The following PRKN variants were observed in gnomAD, a reference collection of about 807,000 sequenced individuals.
PRKN encodes E3 ubiquitin-protein ligase parkin.
PRKN carries 56 observed loss-of-function variants against 59.5 expected under a neutral mutation model. The ratio of observed to expected loss-of-function variants is 0.94; its 90% confidence interval spans 0.76 to 1.18. The LOEUF is 1.18. Among genes scored for constraint, PRKN ranks in the 50% most tolerant of loss-of-function variants. PRKN has a pLI of 0.00. For missense variants in PRKN, 657 were observed against 596.4 expected (o/e 1.10, Z -1.06); for synonymous variants, 250 against 222.1 (o/e 1.13, Z -1.12).
intron 10 of PRKN, among the ~76,000 whole-genome samples, chr6:161,364,053 C>T (rs981265641): frequency 6.6e-6 from 1 of 151,474 alleles, no homozygotes; most frequent in Admixed American, 6.6e-5. Context: ...CCTGTAGTCC[C>T]AGCTACTCAG....
At chr6:162,105,470 C>T (rs966091963) in intron 4 of PRKN, among the ~76,000 whole-genome samples, 10 of 152,184 alleles carry the variant, frequency 6.6e-5, no homozygotes, top group African/African-American at 1.7e-4. Flanking sequence ...GGCGCGATTT[C>T]GGCTCACTGC....
intron 6 of PRKN, among the ~76,000 whole-genome samples, chr6:161,868,191 A>G (rs1441626916): frequency 1.3e-5 from 2 of 152,158 alleles, no homozygotes; most frequent in African/African-American, 2.4e-5. Context: ...TCTCCCGTGT[A>G]TAACTAGCTA....
intron 4 of PRKN, among the ~76,000 whole-genome samples, chr6:162,170,967 C>T (rs1008079144): frequency 6.6e-6 from 1 of 152,246 alleles, no homozygotes. Flanking sequence ...TCCATTCATT[C>T]TATTAACAAA....
chr6:162,515,969 G>A (rs78735976), intron 1 of PRKN, among the ~76,000 whole-genome samples: 3,779 of 152,316 alleles, frequency 0.025, 182 homozygotes, highest in African/African-American at 0.086. Flanking sequence ...TTAAAATGCA[G>A]CTGTTTGGTA....
In PRKN at chr6:162,011,368, A is replaced by G. The variant is rs183107279; in HGVS notation, c.619-37951T>C. On this transcript the variant is annotated intron_variant, in intron 5 of 11. Coordinates refer to ENST00000366898, the MANE Select transcript of PRKN (RefSeq NM_004562.3). ...ATTATAATATATATTTATAATATATATAATATATTATATATTTATAATATA... is the reference window on the plus strand; with the variant it reads ...ATTATAATATATATTTATAATATATGTAATATATTATATATTTATAATATA... Among the ~76,000 whole-genome samples the G allele has an allele frequency of 1.4e-3, 47 of 32,950 alleles. 14 individuals are homozygous for G. The highest frequency in any genetic ancestry group is 4.3e-3 in the East Asian group (4 of 926). The allele number at this position is 32,950 out of a possible 152,430, so 21.6% of individuals were successfully genotyped here.
intron 1 of PRKN, among the ~76,000 whole-genome samples, chr6:162,533,675 C>T (rs1431747175): frequency 6.6e-6 from 1 of 152,062 alleles, no homozygotes; most frequent in Non-Finnish European, 1.5e-5. Context: ...CATGTATTTT[C>T]TATCTTATAA....
rs886742853 is a variant in PRKN, at chr6:161,803,479, G to A, written c.735-17571C>T. Among the ~76,000 whole-genome samples, 16 of 152,250 alleles carry A rather than the reference G, an allele frequency of 1.1e-4. No homozygotes were observed. The South Asian group carries it at 1.7e-3, about 16-fold the overall frequency. On this transcript the variant is annotated intron_variant, in intron 6 of 11. Transcript: ENST00000366898. ...CTTCTGAATTCCTGCCTTTCACCAC[G>A]AGAAGAACTGTCCTTGGGTAGCCAC...
intron 5 of PRKN, among the ~76,000 whole-genome samples, chr6:162,032,233 T>G (rs1338894997): frequency 6.6e-6 from 1 of 152,188 alleles, no homozygotes; most frequent in African/African-American, 2.4e-5. Context: ...GTATTTCTGC[T>G]GCTGTCATAC....
At chr6:162,109,094 AGTT>A (rs1279579686) in intron 4 of PRKN, among the ~76,000 whole-genome samples, 25 of 152,180 alleles carry the variant, frequency 1.6e-4, no homozygotes, top group African/African-American at 5.5e-4. Context: ...AGGGTCACCA[AGTT>A]GTTGTCGTGA....
At chr6:162,433,254 T>G (rs13211450) in intron 2 of PRKN, among the ~76,000 whole-genome samples, 42,109 of 152,056 alleles carry the variant, frequency 0.28, 6,156 homozygotes, top group African/African-American at 0.37. Flanking sequence ...ATATAGGCAT[T>G]ATTACTATCT....
At chr6:162,091,097 AT>A (rs1464890910) in intron 4 of PRKN, among the ~76,000 whole-genome samples, 1 of 131,764 alleles carries the variant, frequency 7.6e-6, no homozygotes, top group Non-Finnish European at 1.6e-5. Context: ...AGATTTATTT[AT>A]TTCTCTTGCT....
At chr6:162,064,452 C>T (rs1036042441) in intron 4 of PRKN, among the ~76,000 whole-genome samples, 1 of 152,144 alleles carries the variant, frequency 6.6e-6, no homozygotes, top group African/African-American at 2.4e-5. Flanking sequence ...CAGTGATTTC[C>T]TCTTAGCTTT....
chr6:162,460,219 A>G (rs1583609595), intron 1 of PRKN, among the ~76,000 whole-genome samples: 1 of 152,168 alleles, frequency 6.6e-6, no homozygotes, highest in Admixed American at 6.5e-5. Context: ...TCATACCACA[A>G]CCTGGGTGAA....
intron 9 of PRKN, among the ~76,000 whole-genome samples, chr6:161,453,064 T>A (rs1443967847): frequency 6.6e-6 from 1 of 152,196 alleles, no homozygotes; most frequent in African/African-American, 2.4e-5. Context: ...GCATTTTTGA[T>A]ATCTCTCATA....
intron 4 of PRKN, among the ~76,000 whole-genome samples, chr6:162,126,192 G>T (rs184029791): frequency 6.6e-6 from 1 of 152,290 alleles, no homozygotes; most frequent in Admixed American, 6.5e-5. Context: ...TATCACTGCA[G>T]AAACAAAGAC....
chr6:162,643,199 A>G (rs1200610024), intron 1 of PRKN, among the ~76,000 whole-genome samples: 1 of 151,992 alleles, frequency 6.6e-6, no homozygotes, highest in Admixed American at 6.6e-5. Flanking sequence ...GGAGTTTGAG[A>G]CTAGCCTGGG....
chr6:162,240,546 G>A (rs750346226), intron 3 of PRKN, among the ~76,000 whole-genome samples: 12 of 152,098 alleles, frequency 7.9e-5, no homozygotes, highest in Middle Eastern at 3.2e-3. Flanking sequence ...GAAGCCTGTG[G>A]GAGAAGCATA....
rs56171038 is a variant in PRKN, at chr6:161,842,312, C to T, written c.735-56404G>A. On this transcript the variant is annotated intron_variant, in intron 6 of 11. Coordinates refer to ENST00000366898, the MANE Select transcript of PRKN (RefSeq NM_004562.3). The stretch of plus-strand genomic sequence containing the variant: ...GGAGTTCAAGACCATAGTGAAACCT[C>T]GTCTTTACTAAAAATACAAAATTTA... Among the ~76,000 whole-genome samples, 1,299 of 151,824 alleles carry T rather than the reference C, an allele frequency of 8.6e-3. 24 individuals are homozygous for T. Among genetic ancestry groups the T allele is most frequent in the East Asian group, 0.075 (378 of 5,066 alleles).
chr6:162,238,896 G>A (rs575878441), intron 3 of PRKN, among the ~76,000 whole-genome samples: 17 of 152,164 alleles, frequency 1.1e-4, no homozygotes, highest in Non-Finnish European at 2.2e-4. Flanking sequence ...TGCAGTGCCC[G>A]AAGGGGGTCT....
Sources: gnomAD v4.1 joint callset for allele counts (sites outside exome capture counted in the v4.1 genomes callset) on GRCh38, gnomAD v4.1.1 for gene constraint, MANE v1.5 for transcripts, NCBI Gene and HGNC (gene_info 2026-07-23, HGNC 2026-07-21) for gene names.